Variants in PTPRD observed in about 807,000 individuals in gnomAD.
PTPRD encodes the protein protein tyrosine phosphatase receptor type D, also known as receptor-type tyrosine-protein phosphatase delta.
In PTPRD, 34 loss-of-function variants were observed where a neutral mutation model predicts 214.5. That is an observed-to-expected ratio of 0.16 (90% confidence interval 0.12 to 0.21). The LOEUF is 0.21. Ranked by LOEUF, PTPRD falls within the 10% of genes least tolerant of loss-of-function variation. PTPRD has a pLI of 1.00. For synonymous variants in PTPRD, 1,128 were observed against 845.7 expected (o/e 1.33, Z -5.79); for missense variants, 2,545 against 2,398.7 (o/e 1.06, Z -1.27).
At chr9:10,568,855 C>A (rs569701869) in intron 2 of PTPRD, among the ~76,000 whole-genome samples, 1 of 152,054 alleles carries the variant, frequency 6.6e-6, no homozygotes, top group Non-Finnish European at 1.5e-5. Flanking sequence ...GCAGGACATA[C>A]GCTTGGGCAA....
intron 8 of PTPRD, among the ~76,000 whole-genome samples, chr9:9,420,976 A>G (rs2078603049): frequency 1.3e-5 from 2 of 151,962 alleles, no homozygotes; most frequent in African/African-American, 4.8e-5. Flanking sequence ...TGCCTTCATA[A>G]GGCTGCCATT....
rs377523729 is a variant in PTPRD at position 8,816,023 on chromosome 9, T to C, written c.-103-82077A>G. ...ACCCCATAACAAAGGAAATCTCAAA[T>C]GTAAGCCTTAGGGTTTACAGCAATT... On this transcript the variant is annotated intron_variant, in intron 11 of 45. Coordinates refer to ENST00000381196, the MANE Select transcript of PTPRD (RefSeq NM_002839.4). Among the ~76,000 whole-genome samples, 9 of 152,320 alleles carry C rather than the reference T, an allele frequency of 5.9e-5. No homozygotes were observed. The East Asian group carries it at 1.5e-3, about 26-fold the overall frequency.
chr9:8,848,785 T>C (rs778487000), intron 11 of PTPRD, among the ~76,000 whole-genome samples: 2 of 150,070 alleles, frequency 1.3e-5, no homozygotes, highest in Non-Finnish European at 3.0e-5. Context: ...CTATGTTCCA[T>C]CTTTATTACT....
At chr9:10,313,397 T>TACACACACACACACACAC (rs60788124) in intron 3 of PTPRD, among the ~76,000 whole-genome samples, 16,029 of 148,198 alleles carry the variant, frequency 0.11, 1,091 homozygotes, top group South Asian at 0.22. Flanking sequence ...AGGTACAGAT[T>TACACACACACACACACAC]ACACACACAC....
rs188875993 is a variant in PTPRD at position 9,827,626 on chromosome 9, A to G, written c.-367-60775T>C. ...GGACTTCATGTCTAAAACACCAAAAACAATGGCAACAAAAGCCAAAACTGA... is the reference window on the plus strand; with the variant it reads ...GGACTTCATGTCTAAAACACCAAAAGCAATGGCAACAAAAGCCAAAACTGA... On this transcript the variant is annotated intron_variant, in intron 5 of 45. Coordinates refer to ENST00000381196, the MANE Select transcript of PTPRD (RefSeq NM_002839.4). Among the ~76,000 whole-genome samples, 396 of 152,152 alleles carry G rather than the reference A, an allele frequency of 2.6e-3. 5 individuals carry two copies. The highest frequency in any genetic ancestry group is 7.1e-4 in the Non-Finnish European group (48 of 67,978).
chr9:9,751,349 C>A (rs2098517232), intron 6 of PTPRD, among the ~76,000 whole-genome samples: 1 of 152,066 alleles, frequency 6.6e-6, no homozygotes. Context: ...AGTCCAACTT[C>A]ACCACTGACT....
chr9:8,402,195 A>G (rs910581308), intron 36 of PTPRD, among the ~76,000 whole-genome samples: 17 of 152,318 alleles, frequency 1.1e-4, no homozygotes, highest in African/African-American at 3.8e-4. Flanking sequence ...CCTTTTGCAT[A>G]ACACTTAACA....
At chr9:8,421,946 G>T (rs1226403712) in intron 35 of PTPRD, among the ~76,000 whole-genome samples, 1 of 151,398 alleles carries the variant, frequency 6.6e-6, no homozygotes, top group South Asian at 2.1e-4. Context: ...CCAGTAGTTC[G>T]AGACCAACCT....
intron 2 of PTPRD, among the ~76,000 whole-genome samples, chr9:10,364,169 T>C (rs1204799612): frequency 6.6e-6 from 1 of 151,478 alleles, no homozygotes; most frequent in Non-Finnish European, 1.5e-5. Context: ...CCGGATAATT[T>C]TTTTTGTATT....
intron 8 of PTPRD, among the ~76,000 whole-genome samples, chr9:9,398,786 AG>A (rs2068936258): frequency 6.6e-6 from 1 of 152,012 alleles, no homozygotes; most frequent in Non-Finnish European, 1.5e-5. Flanking sequence ...TTTGAGGAAC[AG>A]TGATAGATTT....
At chr9:8,710,695 A>C (rs1214571942) in intron 12 of PTPRD, among the ~76,000 whole-genome samples, 1 of 152,188 alleles carries the variant, frequency 6.6e-6, no homozygotes, top group Non-Finnish European at 1.5e-5. Flanking sequence ...ATTATAAATG[A>C]GTTTTTATGT....
chr9:9,927,754 T>A (rs868617043), intron 5 of PTPRD, among the ~76,000 whole-genome samples: 2 of 152,314 alleles, frequency 1.3e-5, no homozygotes, highest in Middle Eastern at 6.8e-3. Context: ...TAATATTGTT[T>A]GAAATATTGC....
intron 2 of PTPRD, among the ~76,000 whole-genome samples, chr9:10,463,322 T>G (rs4474072): frequency 1.3e-5 from 2 of 151,970 alleles, no homozygotes; most frequent in Non-Finnish European, 2.9e-5. Context: ...AATATGTATC[T>G]GCTTACCAGA....
intron 5 of PTPRD, among the ~76,000 whole-genome samples, chr9:9,788,415 G>T (rs2098941968): frequency 6.6e-6 from 1 of 151,660 alleles, no homozygotes; most frequent in Non-Finnish European, 1.5e-5. Flanking sequence ...ACCCGGGCAT[G>T]GTGGCAGGCG....
At chr9:9,006,823 A>G (rs1370289245) in intron 11 of PTPRD, among the ~76,000 whole-genome samples, 1 of 151,998 alleles carries the variant, frequency 6.6e-6, no homozygotes, top group African/African-American at 2.4e-5. Context: ...TATGGAAAAA[A>G]ACTCTATTTA....
intron 11 of PTPRD, among the ~76,000 whole-genome samples, chr9:8,815,814 G>GA (rs2096908462): frequency 6.6e-6 from 1 of 152,074 alleles, no homozygotes; most frequent in Non-Finnish European, 1.5e-5. Flanking sequence ...GGGTGAAAAT[G>GA]AAAAAATGCA....
At chr9:10,598,710 T>G (rs201840564) in intron 2 of PTPRD, among the ~76,000 whole-genome samples, 2 of 57,420 alleles carry the variant, frequency 3.5e-5, no homozygotes, top group South Asian at 1.1e-3. Flanking sequence ...GTGTGGTGTG[T>G]GGTGTGTGTG....
rs1200346209 is a variant in PTPRD at position 10,199,949 on chromosome 9, G to A, written c.-545+141014C>T. Among the ~76,000 whole-genome samples, 3 of 151,152 alleles carry A rather than the reference G, an allele frequency of 2.0e-5. No homozygotes were observed. The East Asian group carries it at 5.8e-4, about 29-fold the overall frequency. On this transcript the variant is annotated intron_variant, in intron 3 of 45. Coordinates refer to ENST00000381196, the MANE Select transcript of PTPRD (RefSeq NM_002839.4). The stretch of plus-strand genomic sequence containing the variant: ...CACACACACACATCCTTCATACTGA[G>A]GAAATAACAAATATATTTCAAAGAT...
chr9:10,423,951 T>G (rs2098583062), intron 2 of PTPRD, among the ~76,000 whole-genome samples: 1 of 151,972 alleles, frequency 6.6e-6, no homozygotes, highest in African/African-American at 2.4e-5. Flanking sequence ...AGTCTGAACC[T>G]TTCACTAAGA....
Sources: allele counts gnomAD v4.1 joint callset (sites outside exome capture counted in the v4.1 genomes callset), GRCh38; gene constraint gnomAD v4.1.1; transcripts MANE v1.5; gene names NCBI Gene and HGNC (gene_info 2026-07-23, HGNC 2026-07-21).